The following PRKD1 variants were observed in gnomAD, a reference collection of about 807,000 sequenced individuals.
PRKD1 encodes protein kinase D1.
Under a neutral mutation model 95.9 loss-of-function variants are expected in PRKD1, and 63 were observed. That is an observed-to-expected ratio of 0.66 (90% CI 0.54 to 0.81). PRKD1 has a LOEUF of 0.81. PRKD1 is among the 30% of genes least tolerant of loss of function. The probability of loss-of-function intolerance (pLI) is 0.00; values close to 1 mark genes in which losing one functional copy is unlikely to be tolerated. For synonymous variants in PRKD1, 425 were observed against 423.1 expected (o/e 1.00, Z -0.05); for missense variants, 1,048 against 1,165.3 (o/e 0.90, Z 1.47).
At chr14:29,711,701 TG>T in intron 2 of PRKD1, among the ~76,000 whole-genome samples, 1 of 152,308 alleles carries the variant, frequency 6.6e-6, no homozygotes, top group Admixed American at 6.5e-5. Context: ...AACTGTCATA[TG>T]GATCTTTTAA....
chr14:29,892,438 CA>C (rs201359274), intron 1 of PRKD1, among the ~76,000 whole-genome samples: 48,967 of 131,560 alleles, frequency 0.37, 8,012 homozygotes, highest in African/African-American at 0.42. Flanking sequence ...GCCACCCATA[CA>C]AAAAAAAAAA....
chr14:29,823,158 A>T (rs1890982721), intron 1 of PRKD1, among the ~76,000 whole-genome samples: 1 of 152,302 alleles, frequency 6.6e-6, no homozygotes, highest in South Asian at 2.1e-4. Flanking sequence ...CTGAGTACCC[A>T]TAGGCACTCA....
intron 1 of PRKD1, among the ~76,000 whole-genome samples, chr14:29,797,658 TG>T (rs1889873231): frequency 6.6e-6 from 1 of 152,080 alleles, no homozygotes; most frequent in Non-Finnish European, 1.5e-5. Context: ...TTCGTCCTCT[TG>T]GGCCCAGGGA....
chr14:29,678,464 G>GT (rs1277811007), intron 2 of PRKD1, among the ~76,000 whole-genome samples: 12 of 152,090 alleles, frequency 7.9e-5, no homozygotes, highest in African/African-American at 2.9e-4. Context: ...TATTAGACAA[G>GT]TTTTTTTAAA....
At chr14:29,814,804 C>A (rs919687248) in intron 1 of PRKD1, among the ~76,000 whole-genome samples, 1 of 152,146 alleles carries the variant, frequency 6.6e-6, no homozygotes, top group South Asian at 2.1e-4. Context: ...GCACTCGAAA[C>A]TAAGCTAATT....
At chr14:29,635,551 G>A (rs974377953) in intron 7 of PRKD1, among the ~76,000 whole-genome samples, 1 of 152,138 alleles carries the variant, frequency 6.6e-6, no homozygotes, top group Non-Finnish European at 1.5e-5. Context: ...CATGGCATTC[G>A]TAAAATGGAC....
At chr14:29,787,373 C>T (rs1427597132) in intron 1 of PRKD1, among the ~76,000 whole-genome samples, 2 of 151,746 alleles carry the variant, frequency 1.3e-5, no homozygotes, top group African/African-American at 4.8e-5. Flanking sequence ...AGATTAAGTC[C>T]AATGTTACTT....
chr14:29,619,719 G>C (rs984005351), intron 13 of PRKD1, among the ~76,000 whole-genome samples: 3 of 152,186 alleles, frequency 2.0e-5, no homozygotes, highest in Admixed American at 6.5e-5. Flanking sequence ...TGTATCTGTA[G>C]AGAGTGATAT....
At chr14:29,808,243 C>A (rs34902355) in intron 1 of PRKD1, among the ~76,000 whole-genome samples, 1 of 152,040 alleles carries the variant, frequency 6.6e-6, no homozygotes. Flanking sequence ...TTAACGGAAT[C>A]TTCACCAGGA....
intron 1 of PRKD1, among the ~76,000 whole-genome samples, chr14:29,894,503 T>C (rs530242574): frequency 2.6e-5 from 4 of 152,334 alleles, no homozygotes; most frequent in African/African-American, 9.6e-5. Context: ...TTCTAGTGGA[T>C]ATCATTGAAA....
intron 1 of PRKD1, among the ~76,000 whole-genome samples, chr14:29,883,473 A>G (rs1222949845): frequency 6.6e-6 from 1 of 152,212 alleles, no homozygotes; most frequent in Non-Finnish European, 1.5e-5. Context: ...TATTATTTTT[A>G]GATGAAATTT....
chr14:29,745,424 C>T (rs1188816984), intron 1 of PRKD1, among the ~76,000 whole-genome samples: 6 of 152,130 alleles, frequency 3.9e-5, no homozygotes, highest in Non-Finnish European at 7.3e-5. Context: ...TAAGTCACAA[C>T]GTGAGCTGTT....
At chr14:29,816,884 G>C (rs1319360050) in intron 1 of PRKD1, among the ~76,000 whole-genome samples, 1 of 152,064 alleles carries the variant, frequency 6.6e-6, no homozygotes, top group African/African-American at 2.4e-5. Flanking sequence ...TATTTTCTCT[G>C]TTGCTGCCTT....
intron 13 of PRKD1, among the ~76,000 whole-genome samples, chr14:29,601,317 C>T (rs1893509726): frequency 6.6e-6 from 1 of 152,190 alleles, no homozygotes. Context: ...TCTACTTTGC[C>T]TGTTTTGATC....
chr14:29,790,650 A>G (rs892019426), intron 1 of PRKD1, among the ~76,000 whole-genome samples: 1 of 152,152 alleles, frequency 6.6e-6, no homozygotes, highest in African/African-American at 2.4e-5. Flanking sequence ...TGATCTCTAA[A>G]CTATACATCC....
At chr14:29,618,057 A>G in intron 13 of PRKD1, among the ~76,000 whole-genome samples, 1 of 151,846 alleles carries the variant, frequency 6.6e-6, no homozygotes, top group East Asian at 1.9e-4. Context: ...ACAGAGTAAG[A>G]CCCCTTCTCC....
intron 2 of PRKD1, among the ~76,000 whole-genome samples, chr14:29,672,324 G>A (rs1451773533): frequency 3.3e-5 from 5 of 151,500 alleles, no homozygotes; most frequent in Admixed American, 2.6e-4. Flanking sequence ...CTGGGTGACA[G>A]AGCGAGACTC....
rs1886111700 is a variant in PRKD1 at position 29,725,775 on chromosome 14, A to G, written c.265-101T>C. 3.4e-5 allele frequency: 41 copies of G among 1,211,642 alleles called. No individual in the cohort carries two copies. In the South Asian group the frequency reaches 5.2e-4, roughly 15 times the overall value. 75.1% of individuals were successfully genotyped at this position (1,211,642 alleles called of 1,614,324 possible). On this transcript the variant is annotated intron_variant, in intron 1 of 17. Transcript: ENST00000331968. ...AAATACAAGCTAATTAGAAAAGTTC[A>G]AAGTATCTAGATCATTAAAATATTT...
chr14:29,622,276 C>T (rs1234620169), intron 13 of PRKD1, among the ~76,000 whole-genome samples: 2 of 152,096 alleles, frequency 1.3e-5, no homozygotes, highest in Non-Finnish European at 2.9e-5. Context: ...TAACAGGCCA[C>T]GTACAGGTAC....
Sources: allele counts gnomAD v4.1 joint callset (sites outside exome capture counted in the v4.1 genomes callset), GRCh38; gene constraint gnomAD v4.1.1; transcripts MANE v1.5; gene names NCBI Gene and HGNC (gene_info 2026-07-23, HGNC 2026-07-21).